Variants in NRG1 observed in about 807,000 individuals in gnomAD.
NRG1 encodes the protein pro-neuregulin-1, membrane-bound isoform.
A neutral mutation model predicts 63.8 loss-of-function variants in NRG1; 18 were observed. The ratio of observed to expected loss-of-function variants is 0.28; its 90% CI spans 0.19 to 0.42. The LOEUF is 0.42. NRG1 is among the 10% of genes least tolerant of loss of function. The pLI, the probability that NRG1 is intolerant of heterozygous loss-of-function variation, is 1.00. For missense variants in NRG1, 762 were observed against 814.7 expected (o/e 0.94, Z 0.79); for synonymous variants, 302 against 301.3 (o/e 1.00, Z -0.02).
upstream of NRG1, among the ~76,000 whole-genome samples, chr8:32,546,661 T>C (rs1274565362): frequency 6.6e-6 from 1 of 152,250 alleles, no homozygotes; most frequent in Non-Finnish European, 1.5e-5. Context: ...GTGAAATTTA[T>C]ATTTGGTGTT....
At chr8:32,415,613 A>G (rs1274347488) in intron 1 of NRG1, among the ~76,000 whole-genome samples, 2 of 152,168 alleles carry the variant, frequency 1.3e-5, no homozygotes, top group Non-Finnish European at 2.9e-5. Flanking sequence ...ATTTTTGAGC[A>G]TGAATGCATA....
At chr8:32,655,816 T>C (rs1801359728) in intron 5 of NRG1, among the ~76,000 whole-genome samples, 1 of 152,186 alleles carries the variant, frequency 6.6e-6, no homozygotes, top group South Asian at 2.1e-4. Flanking sequence ...AGGAAAAGAC[T>C]GCATGGTATG....
chr8:31,669,528 T>G (rs764455862), intron 1 of NRG1, among the ~76,000 whole-genome samples: 1 of 152,124 alleles, frequency 6.6e-6, no homozygotes, highest in Non-Finnish European at 1.5e-5. Flanking sequence ...CATGAGACAC[T>G]GCACTCAGCC....
chr8:32,527,145 A>C (rs764030675), intron 1 of NRG1, among the ~76,000 whole-genome samples: 2 of 152,188 alleles, frequency 1.3e-5, no homozygotes, highest in Non-Finnish European at 2.9e-5. Flanking sequence ...CTTGGCATCT[A>C]CTCAAAGGAA....
intron 1 of NRG1, among the ~76,000 whole-genome samples, chr8:32,344,381 T>TTTCTTTCTTTCTTTCTTC (rs754495317): frequency 0.068 from 6,134 of 90,022 alleles, 545 homozygotes; most frequent in Non-Finnish European, 0.091. Flanking sequence ...TTTCTTTCTT[T>TTTCTTTCTTTCTTTCTTC]CTCTTTCTTT....
chr8:32,339,790 T>C (rs193150930), intron 1 of NRG1, among the ~76,000 whole-genome samples: 2 of 152,334 alleles, frequency 1.3e-5, no homozygotes, highest in African/African-American at 4.8e-5. Context: ...GAGTTTATCT[T>C]TCTGTATTCC....
rs530531948 is a variant in NRG1 at position 31,888,187 on chromosome 8, T to C, written c.37+248756T>C. Among the ~76,000 whole-genome samples the C allele has an allele frequency of 1.5e-4, 23 of 152,102 alleles. 2 individuals are homozygous for C. The South Asian group carries it at 4.4e-3, about 29-fold the overall frequency. ...GATAGCTTTTTGACCTCAACAGCAT[T>C]ATAACTTGATAATTGTCTTATTTTG... is the stretch of plus-strand genomic sequence containing the variant. On this transcript the variant is annotated intron_variant, in intron 1 of 10. Coordinates refer to the NRG1 transcript ENST00000519301.
intron 1 of NRG1, among the ~76,000 whole-genome samples, chr8:32,237,117 G>A (rs921291103): frequency 6.6e-6 from 1 of 152,208 alleles, no homozygotes; most frequent in East Asian, 1.9e-4. Context: ...TGCAGGAGAA[G>A]TAGACTACAT....
At chr8:32,169,583 C>T (rs540926679) in intron 1 of NRG1, among the ~76,000 whole-genome samples, 80 of 152,236 alleles carry the variant, frequency 5.3e-4, no homozygotes, top group Non-Finnish European at 6.6e-4. Flanking sequence ...ATTGAAGGAT[C>T]GGTTGTGGTT....
In NRG1 at chr8:32,010,400, T is replaced by C. The variant is rs1384594895; in HGVS notation, c.37+370969T>C. ...CTTTCCTTTCACTTCATTCTCTCCA[T>C]CCTCTATCCATTAATTTTTCTTATA... On this transcript the variant is annotated intron_variant, in intron 1 of 10. Coordinates refer to the NRG1 transcript ENST00000519301. 2.6e-5 allele frequency among the ~76,000 whole-genome samples: 4 copies of C among 152,046 alleles called. No homozygotes were observed. In the East Asian group the frequency reaches 7.8e-4, roughly 29 times the overall value.
intron 1 of NRG1, among the ~76,000 whole-genome samples, chr8:31,785,110 A>T (rs1467466562): frequency 6.6e-6 from 1 of 152,150 alleles, no homozygotes; most frequent in Non-Finnish European, 1.5e-5. Context: ...ATATGTCTTA[A>T]AAAGGCAGTG....
intron 1 of NRG1, among the ~76,000 whole-genome samples, chr8:32,448,598 G>A (rs534950936): frequency 1.3e-5 from 2 of 152,070 alleles, no homozygotes; most frequent in Non-Finnish European, 2.9e-5. Context: ...GTGCTCCTAA[G>A]GTAACCGCAA....
chr8:32,543,338 T>C (rs1472749170), upstream of NRG1, among the ~76,000 whole-genome samples: 1 of 152,128 alleles, frequency 6.6e-6, no homozygotes, highest in Non-Finnish European at 1.5e-5. Context: ...TATAAGTATA[T>C]ATATATTTGC....
chr8:32,097,632 C>T (rs879792568), intron 1 of NRG1, among the ~76,000 whole-genome samples: 1 of 151,924 alleles, frequency 6.6e-6, no homozygotes, highest in African/African-American at 2.4e-5. Context: ...AGAGGGGAAC[C>T]AGGGGATGAG....
intron 5 of NRG1, among the ~76,000 whole-genome samples, chr8:32,672,843 A>T (rs1806059085): frequency 6.6e-6 from 1 of 152,178 alleles, no homozygotes; most frequent in African/African-American, 2.4e-5. Context: ...ATGTTGAGAA[A>T]AAAACCTGAC....
At chr8:32,393,688 T>C (rs917559366) in intron 1 of NRG1, among the ~76,000 whole-genome samples, 2 of 151,616 alleles carry the variant, frequency 1.3e-5, no homozygotes, top group Non-Finnish European at 2.9e-5. Flanking sequence ...ATGACGAGAA[T>C]ACATGGACAC....
chr8:32,510,097 A>AAAT (rs57367955), intron 1 of NRG1, among the ~76,000 whole-genome samples: 54,404 of 138,792 alleles, frequency 0.39, 11,905 homozygotes, highest in Non-Finnish European at 0.5. Flanking sequence ...TCCTAGACAA[A>AAAT]AATAATAATA....
At chr8:32,350,491 C>T (rs1488270197) in intron 1 of NRG1, among the ~76,000 whole-genome samples, 2 of 152,054 alleles carry the variant, frequency 1.3e-5, no homozygotes, top group African/African-American at 4.8e-5. Context: ...TCAGATGGAC[C>T]TTGGCTTATA....
intron 1 of NRG1, among the ~76,000 whole-genome samples, chr8:32,578,426 A>G (rs1455773621): frequency 1.3e-5 from 2 of 151,460 alleles, no homozygotes; most frequent in African/African-American, 2.4e-5. Context: ...GACTTACTAC[A>G]TTAACACACG....
Sources: allele counts gnomAD v4.1 joint callset (sites outside exome capture counted in the v4.1 genomes callset), GRCh38; gene constraint gnomAD v4.1.1; transcripts MANE v1.5; gene names NCBI Gene and HGNC (gene_info 2026-07-23, HGNC 2026-07-21).